Variants in PBX3 observed in about 807,000 individuals in gnomAD.
PBX3 encodes PBX homeobox 3, also known as pre-B-cell leukemia transcription factor 3.
PBX3 carries 14 observed loss-of-function variants against 48.5 expected under a neutral mutation model. The observed-to-expected ratio is 0.29, with a 90% CI of 0.19 to 0.45. The LOEUF is 0.45. Ranked by LOEUF, PBX3 falls within the 20% of genes least tolerant of loss-of-function variation. PBX3 has a pLI of 1.00. For missense variants in PBX3, 386 were observed against 546.7 expected, an observed-to-expected ratio of 0.71 and a Z score of 2.93; for synonymous variants, 210 against 200.3, an observed-to-expected ratio of 1.05 and a Z score of -0.41.
At chr9:125,902,173 A>C (rs1840961531) in intron 2 of PBX3, among the ~76,000 whole-genome samples, 1 of 151,648 alleles carries the variant, frequency 6.6e-6, no homozygotes, top group African/African-American at 2.4e-5. Flanking sequence ...CAAGAACCTA[A>C]ACTGAAAATA....
chr9:125,798,451 A>G (rs1299965336), intron 2 of PBX3, among the ~76,000 whole-genome samples: 4 of 151,986 alleles, frequency 2.6e-5, no homozygotes, highest in Non-Finnish European at 5.9e-5. Flanking sequence ...TTAAACCCCT[A>G]CTAAGGATCC....
chr9:125,774,148 A>C (rs776006687), intron 2 of PBX3, among the ~76,000 whole-genome samples: 1 of 152,208 alleles, frequency 6.6e-6, no homozygotes, highest in African/African-American at 2.4e-5. Flanking sequence ...GTGAAGGGGA[A>C]GCCAGCGTGT....
chr9:125,826,287 T>G (rs1838805223), intron 2 of PBX3, among the ~76,000 whole-genome samples: 2 of 152,322 alleles, frequency 1.3e-5, no homozygotes, highest in Middle Eastern at 3.4e-3. Context: ...TTCAAATAAT[T>G]TATTTACTAT....
intron 3 of PBX3, among the ~76,000 whole-genome samples, chr9:125,927,404 T>C (rs1841601666): frequency 6.6e-6 from 1 of 152,218 alleles, no homozygotes; most frequent in Non-Finnish European, 1.5e-5. Flanking sequence ...CTCTATAAAA[T>C]TTTAGAGTAA....
chr9:125,864,177 C>T (rs1839927186), intron 2 of PBX3, among the ~76,000 whole-genome samples: 1 of 152,178 alleles, frequency 6.6e-6, no homozygotes, highest in South Asian at 2.1e-4. Context: ...ATATAATAGG[C>T]AGCATTTCTT....
chr9:125,836,529 T>C (rs527697736), intron 2 of PBX3, among the ~76,000 whole-genome samples: 1 of 152,210 alleles, frequency 6.6e-6, no homozygotes, highest in African/African-American at 2.4e-5. Flanking sequence ...GAAGGGGTGC[T>C]AAAAGGGGTT....
chr9:125,823,770 T>A (rs1435463267), intron 2 of PBX3, among the ~76,000 whole-genome samples: 1 of 152,054 alleles, frequency 6.6e-6, no homozygotes, highest in East Asian at 1.9e-4. Flanking sequence ...TTGGAACGTG[T>A]TTTGACTAGA....
At chr9:125,877,967 G>A (rs562325738) in intron 2 of PBX3, among the ~76,000 whole-genome samples, 1 of 152,268 alleles carries the variant, frequency 6.6e-6, no homozygotes, top group South Asian at 2.1e-4. Flanking sequence ...TATACCGACT[G>A]CACCTGACTA....
intron 4 of PBX3, 81 bp downstream of exon 4, chr9:125,929,926 T>G (rs1841678284): frequency 7.4e-6 from 8 of 1,074,666 alleles, no homozygotes; most frequent in Non-Finnish European, 9.7e-6. Flanking sequence ...AACTGACCAG[T>G]TGGTCTTAGA....
At chr9:125,804,201 T>A (rs757779286) in intron 2 of PBX3, among the ~76,000 whole-genome samples, 147 of 152,348 alleles carry the variant, frequency 9.6e-4, no homozygotes, top group Non-Finnish European at 1.8e-3. Context: ...TTTATAAATA[T>A]AGAGTTTATT....
intron 6 of PBX3, 51 bp from the exon 7 acceptor site, chr9:125,962,051 A>G: frequency 1.1e-6 from 1 of 896,240 alleles, no homozygotes; most frequent in Non-Finnish European, 1.9e-6. Context: ...GTCTTTGAGG[A>G]TTATGTGTGT....
chr9:125,793,366 A>AAAAAT (rs59271982), intron 2 of PBX3, among the ~76,000 whole-genome samples: 1,988 of 101,888 alleles, frequency 0.02, 26 homozygotes, highest in Middle Eastern at 0.04. Flanking sequence ...GGAAAAAAAA[A>AAAAAT]ATATATATAT....
At chr9:125,811,781 T>C (rs1448377129) in intron 2 of PBX3, among the ~76,000 whole-genome samples, 2 of 152,194 alleles carry the variant, frequency 1.3e-5, no homozygotes, top group Non-Finnish European at 2.9e-5. Flanking sequence ...GAGATAATCT[T>C]TCTCATGTCT....
At chr9:125,836,950 CCTTT>C (rs1839155397) in intron 2 of PBX3, among the ~76,000 whole-genome samples, 1 of 152,168 alleles carries the variant, frequency 6.6e-6, no homozygotes, top group South Asian at 2.1e-4. Flanking sequence ...ATTGGTACAA[CCTTT>C]CTTTGAGGGC....
At chr9:125,874,026 A>T (rs1840189105) in intron 2 of PBX3, among the ~76,000 whole-genome samples, 1 of 152,178 alleles carries the variant, frequency 6.6e-6, no homozygotes, top group South Asian at 2.1e-4. Flanking sequence ...CTGAAAGAAG[A>T]TAAAGCATGT....
intron 2 of PBX3, among the ~76,000 whole-genome samples, chr9:125,832,458 G>A (rs1403390193): frequency 6.6e-6 from 1 of 152,228 alleles, no homozygotes; most frequent in Non-Finnish European, 1.5e-5. Context: ...GCCTCCCAAA[G>A]TGCTGGGATT....
At chr9:125,792,450 T>C (rs1837639678) in intron 2 of PBX3, among the ~76,000 whole-genome samples, 1 of 152,044 alleles carries the variant, frequency 6.6e-6, no homozygotes, top group South Asian at 2.1e-4. Flanking sequence ...ATCAATTAAA[T>C]AGGAAATTGA....
intron 2 of PBX3, among the ~76,000 whole-genome samples, chr9:125,873,443 CT>C (rs1840176106): frequency 6.6e-6 from 1 of 152,122 alleles, no homozygotes; most frequent in African/African-American, 2.4e-5. Flanking sequence ...AAAAACTTAA[CT>C]ATGAGTCAAA....
At chr9:125,892,434 T>G (rs368073044) in intron 2 of PBX3, among the ~76,000 whole-genome samples, 1 of 152,178 alleles carries the variant, frequency 6.6e-6, no homozygotes, top group East Asian at 1.9e-4. Flanking sequence ...ATATTTATTT[T>G]AAAAATATTT....
Sources: gnomAD v4.1 joint callset for allele counts (sites outside exome capture counted in the v4.1 genomes callset) on GRCh38, gnomAD v4.1.1 for gene constraint, MANE v1.5 for transcripts, NCBI Gene and HGNC (gene_info 2026-07-23, HGNC 2026-07-21) for gene names.